ADAMTSL1: variants seen among roughly 807,000 people sequenced by gnomAD.
ADAMTSL1 encodes ADAMTS like 1.
A neutral mutation model predicts 201.8 loss-of-function variants in ADAMTSL1; 126 were observed. That is an observed-to-expected ratio of 0.62 (90% CI 0.54 to 0.72). The LOEUF (loss-of-function observed/expected upper bound fraction) is 0.72, where lower values mean the gene tolerates loss of function less well. Ranked by LOEUF, ADAMTSL1 falls within the 30% of genes least tolerant of loss-of-function variation. The pLI is 0.00. For synonymous variants in ADAMTSL1, 1,121 were observed against 903.4 expected (o/e 1.24, Z -4.32); for missense variants, 2,679 against 2,277.8 (o/e 1.18, Z -3.59).
intron 2 of ADAMTSL1, among the ~76,000 whole-genome samples, chr9:18,411,200 A>ATTTTTT (rs1255453195): frequency 9.6e-6 from 1 of 104,114 alleles, no homozygotes; most frequent in African/African-American, 4.3e-5. Flanking sequence ...ATTTATTTTT[A>ATTTTTT]TTTATTTATT....
At chr9:18,298,725 A>C (rs1232246231) in intron 2 of ADAMTSL1, among the ~76,000 whole-genome samples, 3 of 151,756 alleles carry the variant, frequency 2.0e-5, no homozygotes, top group South Asian at 4.2e-4. Context: ...AATTAGTGTC[A>C]GTCAAGAACA....
chr9:18,857,998 C>T (rs1411153813), intron 23 of ADAMTSL1, among the ~76,000 whole-genome samples: 1 of 152,048 alleles, frequency 6.6e-6, no homozygotes, highest in African/African-American at 2.4e-5. Flanking sequence ...AAGATTTCAA[C>T]ATCAAGTAAG....
At chr9:17,922,376 C>G (rs908898256) in intron 1 of ADAMTSL1, among the ~76,000 whole-genome samples, 12 of 152,046 alleles carry the variant, frequency 7.9e-5, no homozygotes, top group African/African-American at 2.9e-4. Flanking sequence ...TGCTATGTTG[C>G]ATAATTCCAG....
At chr9:18,393,614 C>A (rs937040569) in intron 2 of ADAMTSL1, among the ~76,000 whole-genome samples, 3 of 152,200 alleles carry the variant, frequency 2.0e-5, no homozygotes, top group Admixed American at 6.5e-5. Flanking sequence ...CCCTAGTAAC[C>A]TTCTACCCTG....
intron 1 of ADAMTSL1, among the ~76,000 whole-genome samples, chr9:17,947,936 A>G (rs1827576613): frequency 6.6e-6 from 1 of 152,176 alleles, no homozygotes; most frequent in Non-Finnish European, 1.5e-5. Flanking sequence ...CCATCTTCCA[A>G]AAACAACTAC....
intron 14 of ADAMTSL1, chr9:18,718,443 C>A: frequency 3.2e-6 from 2 of 625,702 alleles, no homozygotes; most frequent in Admixed American, 1.9e-5. Flanking sequence ...TATTTTTCAA[C>A]AAAAATTCCT....
At chr9:18,488,753 A>G (rs1008610463) in intron 1 of ADAMTSL1, among the ~76,000 whole-genome samples, 2 of 152,188 alleles carry the variant, frequency 1.3e-5, no homozygotes, top group Non-Finnish European at 2.9e-5. Flanking sequence ...TCCCTACCTC[A>G]TTCCAGAAAC....
At chr9:18,134,206 A>G (rs1200988728) in intron 1 of ADAMTSL1, among the ~76,000 whole-genome samples, 1 of 152,114 alleles carries the variant, frequency 6.6e-6, no homozygotes, top group African/African-American at 2.4e-5. Flanking sequence ...TGGGGCTCTA[A>G]CCTGAAAGGT....
At chr9:18,199,477 G>T (rs899635924) in intron 2 of ADAMTSL1, among the ~76,000 whole-genome samples, 1 of 151,970 alleles carries the variant, frequency 6.6e-6, no homozygotes, top group Non-Finnish European at 1.5e-5. Context: ...ATTTTCACAA[G>T]TAATATAGGG....
intron 1 of ADAMTSL1, among the ~76,000 whole-genome samples, chr9:18,485,016 C>G (rs1484631578): frequency 6.6e-6 from 1 of 152,142 alleles, no homozygotes; most frequent in Non-Finnish European, 1.5e-5. Flanking sequence ...CAAGAGAGTA[C>G]TTGCTTCAAT....
At chr9:18,569,455 A>T (rs1352822558) in intron 3 of ADAMTSL1, among the ~76,000 whole-genome samples, 1 of 152,220 alleles carries the variant, frequency 6.6e-6, no homozygotes, top group African/African-American at 2.4e-5. Flanking sequence ...AGGAAGCCTT[A>T]GCCCAGTAAC....
intron 1 of ADAMTSL1, among the ~76,000 whole-genome samples, chr9:18,109,333 A>C (rs1427321796): frequency 6.6e-6 from 1 of 152,146 alleles, no homozygotes; most frequent in African/African-American, 2.4e-5. Context: ...TTTACTCCTA[A>C]TCAGCAGGTC....
chr9:18,050,549 C>G (rs1821885909), intron 1 of ADAMTSL1, among the ~76,000 whole-genome samples: 1 of 152,156 alleles, frequency 6.6e-6, no homozygotes. Flanking sequence ...TCAAAATAAG[C>G]TCTGTGTGAA....
chr9:18,627,008 C>G (rs560225854), intron 5 of ADAMTSL1, among the ~76,000 whole-genome samples: 3 of 149,578 alleles, frequency 2.0e-5, no homozygotes, highest in Non-Finnish European at 4.4e-5. Context: ...CAGGGTCTCA[C>G]TCTGTCACTG....
At chr9:18,750,939 G>A (rs189845359) in intron 15 of ADAMTSL1, among the ~76,000 whole-genome samples, 52 of 152,232 alleles carry the variant, frequency 3.4e-4, no homozygotes, top group African/African-American at 6.0e-4. Flanking sequence ...TCATGACATC[G>A]TGGCTGGCTT....
chr9:18,408,469 C>T (rs376644450), intron 2 of ADAMTSL1, among the ~76,000 whole-genome samples: 3 of 151,836 alleles, frequency 2.0e-5, no homozygotes, highest in South Asian at 4.2e-4. Context: ...AGACACTCTC[C>T]GCACCCCCCA....
intron 2 of ADAMTSL1, among the ~76,000 whole-genome samples, chr9:18,199,375 A>G (rs1375435628): frequency 6.6e-6 from 1 of 152,138 alleles, no homozygotes; most frequent in Non-Finnish European, 1.5e-5. Context: ...AAATGAATAT[A>G]TTATTGAAAT....
At chr9:18,214,609 T>G (rs1310737285) in intron 2 of ADAMTSL1, among the ~76,000 whole-genome samples, 8 of 152,216 alleles carry the variant, frequency 5.3e-5, no homozygotes, top group African/African-American at 1.9e-4. Flanking sequence ...GAATTGATAA[T>G]AGTCTTTGCA....
rs193027661 is a variant in ADAMTSL1 at position 18,243,293 on chromosome 9, T to G, written c.207+79312T>G. On this transcript the variant is annotated intron_variant, in intron 2 of 29. Transcript: ENST00000680146. The stretch of plus-strand genomic sequence containing the variant: ...TTGCCACATTCCTTCTCTCTTGTAA[T>G]TCTTCCAAAATATTACTCCTTCTTC... Among the ~76,000 whole-genome samples, 159 of 152,248 alleles carry G rather than the reference T, an allele frequency of 1.0e-3. 1 individual carries two copies. The highest frequency in any genetic ancestry group is 1.8e-3 in the Admixed American group (28 of 15,280).
Sources: gnomAD v4.1 joint callset for allele counts (sites outside exome capture counted in the v4.1 genomes callset) on GRCh38, gnomAD v4.1.1 for gene constraint, MANE v1.5 for transcripts, NCBI Gene and HGNC (gene_info 2026-07-23, HGNC 2026-07-21) for gene names.